Variants in CD109 observed in about 807,000 individuals in gnomAD.
CD109 encodes the protein CD109 antigen.
In CD109, 149 loss-of-function variants were observed where a neutral mutation model predicts 165.8. The observed-to-expected ratio is 0.90, with a 90% CI of 0.79 to 1.03. The LOEUF is 1.03. Ranked by LOEUF, CD109 falls within the 50% of genes least tolerant of loss-of-function variation. CD109 has a pLI of 0.00. For missense variants in CD109, 1,712 were observed against 1,677.8 expected, an observed-to-expected ratio of 1.02 and a Z score of -0.36; for synonymous variants, 585 against 592.1, an observed-to-expected ratio of 0.99 and a Z score of 0.18.
intron 14 of CD109, among the ~76,000 whole-genome samples, chr6:73,768,892 A>G (rs972148631): frequency 6.6e-6 from 1 of 152,192 alleles, no homozygotes; most frequent in African/African-American, 2.4e-5. Flanking sequence ...CCATCCTCTT[A>G]TGTAAAAAAT....
At chr6:73,795,061 G>A (rs1775107273) in intron 23 of CD109, among the ~76,000 whole-genome samples, 1 of 146,316 alleles carries the variant, frequency 6.8e-6, no homozygotes, top group East Asian at 2.0e-4. Context: ...AATTATTTGG[G>A]ATTGTCATGA....
At chr6:73,709,082 G>A (rs1202525742) in intron 2 of CD109, among the ~76,000 whole-genome samples, 13 of 152,136 alleles carry the variant, frequency 8.5e-5, no homozygotes, top group Non-Finnish European at 1.6e-4. Context: ...CCCCATGCCT[G>A]TGTCCTGAAT....
At chr6:73,752,519 G>A (rs1478226603) in intron 5 of CD109, among the ~76,000 whole-genome samples, 2 of 152,166 alleles carry the variant, frequency 1.3e-5, no homozygotes, top group Non-Finnish European at 2.9e-5. Context: ...AATTACAGAG[G>A]TTGCTAAGAA....
intron 26 of CD109, among the ~76,000 whole-genome samples, chr6:73,809,175 T>C (rs201869384): frequency 6.6e-6 from 1 of 152,104 alleles, no homozygotes; most frequent in East Asian, 1.9e-4. Flanking sequence ...GATGGTCCTC[T>C]GGGGACTAGA....
At position 73,783,736 on chromosome 6, in the gene CD109, C is replaced by T. The variant is rs1774587627; in HGVS notation, c.2135C>T (p.Thr712Ile). ...GYRIYQEFEV[T>I]VPDSITSWVA... is the part of the protein sequence containing the mutation. ...AGGATTTACCAAGAATTTGAAGTAACTGTACCTGATTCTATCACTTCTTGG... is the reference window on the plus strand; with the variant it reads ...AGGATTTACCAAGAATTTGAAGTAATTGTACCTGATTCTATCACTTCTTGG... Residue 712 changes from threonine to isoleucine, a missense_variant, in exon 19 of 33, where the codon ACT becomes ATT. By Grantham distance (89) the Thr-to-Ile change is moderately conservative (BLOSUM62 -1). Transcript: ENST00000287097. The T allele has an allele frequency of 6.2e-7, 1 of 1,611,930 alleles. No homozygotes were observed. The highest frequency in any genetic ancestry group is 8.5e-7 in the Non-Finnish European group (1 of 1,178,272).
At chr6:73,781,050 G>A (rs944998408) in intron 16 of CD109, among the ~76,000 whole-genome samples, 2 of 150,174 alleles carry the variant, frequency 1.3e-5, no homozygotes, top group African/African-American at 4.9e-5. Flanking sequence ...GGGCATGTGC[G>A]TGTGTGTGTT....
intron 5 of CD109, among the ~76,000 whole-genome samples, chr6:73,753,023 A>C (rs1773250648): frequency 6.6e-6 from 1 of 152,216 alleles, no homozygotes; most frequent in African/African-American, 2.4e-5. Context: ...ACAATTTGGA[A>C]ATACATTTTA....
chr6:73,716,095 C>G (rs373956346), intron 2 of CD109, among the ~76,000 whole-genome samples: 1 of 152,200 alleles, frequency 6.6e-6, no homozygotes, highest in Non-Finnish European at 1.5e-5. Context: ...CATGTTGTTG[C>G]AAATGACAGG....
chr6:73,783,564 C>T, intron 18 of CD109, 143 bp from the exon 19 acceptor site: 2 of 618,694 alleles, frequency 3.2e-6, no homozygotes, highest in South Asian at 4.0e-5. Context: ...TATACTTAAA[C>T]CTTTTAAATG....
intron 18 of CD109, 65 bp downstream of exon 18, chr6:73,782,820 G>T (rs932996695): frequency 2.0e-6 from 3 of 1,512,936 alleles, no homozygotes; most frequent in Non-Finnish European, 2.7e-6. Flanking sequence ...AATAAGCTTT[G>T]CCCGCTTTCT....
intron 3 of CD109, among the ~76,000 whole-genome samples, chr6:73,727,126 C>T (rs968023179): frequency 3.3e-5 from 5 of 152,134 alleles, no homozygotes; most frequent in African/African-American, 1.2e-4. Context: ...AGGTTATAAC[C>T]CACTCCAGAT....
At chr6:73,707,967 TATATATATATATATA>T in intron 2 of CD109, among the ~76,000 whole-genome samples, 2 of 1,990 alleles carry the variant, frequency 1.0e-3, no homozygotes, top group African/African-American at 6.5e-4. Flanking sequence ...TATCTTTATA[TATATATATATATATA>T]TATATATATA....
At chr6:73,709,927 T>C (rs1018396936) in intron 2 of CD109, among the ~76,000 whole-genome samples, 3 of 152,186 alleles carry the variant, frequency 2.0e-5, no homozygotes, top group South Asian at 2.1e-4. Flanking sequence ...AATTAGGTAT[T>C]GATGGGACAT....
rs181521635 is a variant in CD109, at chr6:73,783,727, T to C, written c.2126T>C (p.Phe709Ser). ...TNMGYRIYQEFEVTVPDSITS... is the reference protein window; with the variant it reads ...TNMGYRIYQESEVTVPDSITS... ...TTCAGTTACAGGATTTACCAAGAAT[T>C]TGAAGTAACTGTACCTGATTCTATC... The change falls in exon 19 of 33, where the codon TTT becomes TCT. Residue 709 changes from phenylalanine to serine, a missense_variant. Coordinates refer to ENST00000287097, the MANE Select transcript of CD109 (RefSeq NM_133493.5). 66 of 1,608,412 alleles carry C rather than the reference T, an allele frequency of 4.1e-5. No individual in the cohort carries two copies. Among genetic ancestry groups the C allele is most frequent in the Non-Finnish European group, 5.5e-5 (65 of 1,175,106 alleles).
intron 2 of CD109, among the ~76,000 whole-genome samples, chr6:73,708,903 C>T (rs1771410899): frequency 6.6e-6 from 1 of 152,052 alleles, no homozygotes; most frequent in African/African-American, 2.4e-5. Context: ...GATATTAGCC[C>T]TTTGTCAGAT....
At chr6:73,759,101 T>C in intron 7 of CD109, 73 bp downstream of exon 7, 1 of 935,442 alleles carries the variant, frequency 1.1e-6, no homozygotes, top group Non-Finnish European at 1.7e-6. Flanking sequence ...GATTGTATAC[T>C]TCAGAATATT....
chr6:73,721,087 T>C (rs1294489046), intron 2 of CD109, among the ~76,000 whole-genome samples: 1 of 152,246 alleles, frequency 6.6e-6, no homozygotes, highest in Non-Finnish European at 1.5e-5. Flanking sequence ...TGTATATCTG[T>C]TCCACGATAC....
intron 29 of CD109, among the ~76,000 whole-genome samples, chr6:73,814,169 T>TATGTGTGTGC (rs1287241874): frequency 6.6e-6 from 1 of 152,126 alleles, no homozygotes; most frequent in African/African-American, 2.4e-5. Flanking sequence ...GGTGTGTGTG[T>TATGTGTGTGC]ATGTGTGTGC....
upstream of CD109, among the ~76,000 whole-genome samples, chr6:73,691,428 C>T (rs1166601592): frequency 6.6e-6 from 1 of 152,222 alleles, no homozygotes; most frequent in Non-Finnish European, 1.5e-5. Context: ...CATACTGTTA[C>T]TAATGTGCCA....
Sources: allele counts gnomAD v4.1 joint callset (sites outside exome capture counted in the v4.1 genomes callset), GRCh38; gene constraint gnomAD v4.1.1; transcripts MANE v1.5; gene names NCBI Gene and HGNC (gene_info 2026-07-23, HGNC 2026-07-21).